CHD9: variants seen among roughly 807,000 people sequenced by gnomAD.
CHD9 encodes the protein chromodomain helicase DNA binding protein 9.
A neutral mutation model predicts 316.1 loss-of-function variants in CHD9; 77 were observed. The ratio of observed to expected loss-of-function variants is 0.24; its 90% confidence interval spans 0.20 to 0.29. The LOEUF (loss-of-function observed/expected upper bound fraction) is 0.29. Among genes scored for constraint, CHD9 ranks in the 10% least tolerant of loss-of-function variants. The probability of loss-of-function intolerance (pLI) is 1.00; values close to 1 mark genes in which losing one functional copy is unlikely to be tolerated. For missense variants in CHD9, 2,763 were observed against 3,438.1 expected (o/e 0.80, Z 4.91); for synonymous variants, 1,129 against 1,158.3 (o/e 0.97, Z 0.51).
rs554233609 is a variant in CHD9, at chr16:53,105,784, CT to C, written c.-164-50141del. 2.6e-5 allele frequency among the ~76,000 whole-genome samples: 4 copies of C among 151,028 alleles called. No homozygotes were observed. In the South Asian group the frequency reaches 8.3e-4, roughly 31 times the overall value. On this transcript the variant is annotated intron_variant, in intron 1 of 38. Transcript: ENST00000447540. ...CCATGCTGTGGGTCTTGAATTTTCA[CT>C]GGTGATAACTGTCTCTGGTCACAAC...
chr16:53,188,753 C>T (rs1010186794), intron 2 of CHD9, among the ~76,000 whole-genome samples: 1 of 151,442 alleles, frequency 6.6e-6, no homozygotes, highest in Non-Finnish European at 1.5e-5. Flanking sequence ...TGCCACCACG[C>T]CTGGCTAATT....
intron 13 of CHD9, among the ~76,000 whole-genome samples, chr16:53,243,724 C>T (rs1439235266): frequency 6.6e-6 from 1 of 152,184 alleles, no homozygotes; most frequent in Non-Finnish European, 1.5e-5. Context: ...CTACACACTT[C>T]TACATGTTTA....
chr16:53,295,350 T>C (rs141492997), intron 29 of CHD9, among the ~76,000 whole-genome samples: 1,846 of 152,262 alleles, frequency 0.012, 41 homozygotes, highest in African/African-American at 0.043. Context: ...TTGTCTTGAA[T>C]TCCTGACCTC....
At chr16:53,321,462 TA>T in intron 37 of CHD9, 63 bp from the exon 38 acceptor site, 1 of 1,459,692 alleles carries the variant, frequency 6.9e-7, no homozygotes, top group Non-Finnish European at 9.1e-7. Flanking sequence ...GAGCATACAA[TA>T]AAAGCAATCA....
At chr16:53,058,224 G>A (rs1186394281) in intron 1 of CHD9, among the ~76,000 whole-genome samples, 1 of 152,056 alleles carries the variant, frequency 6.6e-6, no homozygotes, top group Non-Finnish European at 1.5e-5. Context: ...GAGTTCAAGC[G>A]ATTCTCCTGC....
chr16:53,111,773 G>C (rs1469690949), intron 1 of CHD9, among the ~76,000 whole-genome samples: 1 of 152,088 alleles, frequency 6.6e-6, no homozygotes, highest in African/African-American at 2.4e-5. Context: ...CGTTCATATG[G>C]TTTGATACCA....
rs999891694 is a variant in CHD9, at chr16:53,156,423, A to G, written c.334A>G (p.Asn112Asp). Residue 112 changes from asparagine (N) to aspartate (D), a missense_variant, in exon 2 of 39, where the codon AAT (asparagine) becomes GAT (aspartate). By Grantham distance (23) the Asn-to-Asp change is conservative. This residue lies in a region of CHD9 where 859 missense variants were observed against 890.4 expected (regional missense o/e 0.96). Coordinates refer to ENST00000447540, the MANE Select transcript of CHD9 (RefSeq NM_001308319.2). Reference sequence around the variant, plus strand: ...TCCAATCCATCCCCAAAACCAACCCAATGGTTTGTTTCCAGATGTATCAGA... The same window carrying G: ...TCCAATCCATCCCCAAAACCAACCCGATGGTTTGTTTCCAGATGTATCAGA... Reference protein sequence around the residue: ...CSPIHPQNQPNGLFPDVSDGS... With the variant: ...CSPIHPQNQPDGLFPDVSDGS... 2 of 1,614,002 alleles carry G rather than the reference A, an allele frequency of 1.2e-6. No homozygotes were observed. Among genetic ancestry groups the G allele is most frequent in the Admixed American group, 1.7e-5 (1 of 60,020 alleles).
At chr16:53,295,510 C>T (rs1394975818) in intron 29 of CHD9, among the ~76,000 whole-genome samples, 1 of 152,128 alleles carries the variant, frequency 6.6e-6, no homozygotes, top group Non-Finnish European at 1.5e-5. Context: ...GTAAACTACT[C>T]GTTTGTCACA....
At chr16:53,204,367 G>A (rs558249949) in intron 2 of CHD9, among the ~76,000 whole-genome samples, 7 of 152,148 alleles carry the variant, frequency 4.6e-5, no homozygotes, top group Non-Finnish European at 1.0e-4. Flanking sequence ...TTCACCAGAG[G>A]AGAAAGGACC....
intron 2 of CHD9, among the ~76,000 whole-genome samples, chr16:53,183,754 AAATAC>A (rs147690581): frequency 9.3e-5 from 14 of 151,150 alleles, no homozygotes; most frequent in African/African-American, 2.7e-4. Flanking sequence ...TCTGTACAAA[AAATAC>A]AATACAATAC....
At position 53,318,358 on chromosome 16, in the gene CHD9, T is replaced by C. The variant is rs769641243; in HGVS notation, c.7713+18T>C. The C allele has an allele frequency of 1.4e-5, 22 of 1,576,818 alleles. No individual in the cohort carries two copies. The African/African-American group carries it at 2.7e-4, about 20-fold the overall frequency. On this transcript the variant is annotated intron_variant, in intron 37 of 38. Transcript: ENST00000447540. ...CTAGAAAGGTATTTTAATGTTTTTTTCTTAATCTTTTGTATTGATTCAATA... is the reference window on the plus strand; with the variant it reads ...CTAGAAAGGTATTTTAATGTTTTTTCCTTAATCTTTTGTATTGATTCAATA...
rs1476555596 is a variant in CHD9, at chr16:53,081,873, A to AATG, written c.-165+26797_-165+26798insTGA. On this transcript the variant is annotated intron_variant, in intron 1 of 38. Coordinates refer to ENST00000447540, the MANE Select transcript of CHD9 (RefSeq NM_001308319.2). ...TGAATGAATGAATGAATGAATGAAT[A>AATG]AACCAATAACCTTGGATACTTTTCC... Among the ~76,000 whole-genome samples the AATG allele has an allele frequency of 9.5e-3, 927 of 97,750 alleles. 9 individuals are homozygous for AATG. Among genetic ancestry groups the AATG allele is most frequent in the East Asian group, 0.023 (57 of 2,464 alleles). The allele number at this position is 97,750 out of a possible 152,430, so 64.1% of individuals were successfully genotyped here.
intron 1 of CHD9, among the ~76,000 whole-genome samples, chr16:53,077,428 A>G (rs2034633088): frequency 6.6e-6 from 1 of 151,636 alleles, no homozygotes; most frequent in African/African-American, 2.4e-5. Context: ...GGTTCATGCC[A>G]TTCTCCCACC....
chr16:53,076,511 G>A (rs759646769), intron 1 of CHD9, among the ~76,000 whole-genome samples: 1 of 151,994 alleles, frequency 6.6e-6, no homozygotes, highest in Admixed American at 6.6e-5. Context: ...GGAGGCAGAG[G>A]TTGCAATGAG....
chr16:53,219,028 C>T (rs976505559), intron 3 of CHD9, among the ~76,000 whole-genome samples: 1 of 152,064 alleles, frequency 6.6e-6, no homozygotes, highest in African/African-American at 2.4e-5. Flanking sequence ...GGAGGCGGTT[C>T]GTACTGGGAG....
chr16:53,314,308 A>G, intron 34 of CHD9, 69 bp from the exon 35 acceptor site: 1 of 1,117,858 alleles, frequency 8.9e-7, no homozygotes, highest in Middle Eastern at 2.2e-4. Context: ...TATATTTAGG[A>G]AAGGGATTAC....
chr16:53,271,053 A>G (rs183705205), intron 22 of CHD9, among the ~76,000 whole-genome samples: 10 of 151,964 alleles, frequency 6.6e-5, no homozygotes, highest in African/African-American at 1.4e-4. Context: ...TGGTTGTTCT[A>G]TTACTCAAGG....
intron 19 of CHD9, among the ~76,000 whole-genome samples, chr16:53,261,342 A>AT (rs559657609): frequency 6.6e-4 from 75 of 113,350 alleles, no homozygotes; most frequent in Non-Finnish European, 1.3e-3. Context: ...TAGCCTTTTA[A>AT]TTTTTGGTGT....
At chr16:53,269,339 G>A (rs752594892) in intron 22 of CHD9, among the ~76,000 whole-genome samples, 1 of 152,056 alleles carries the variant, frequency 6.6e-6, no homozygotes, top group Non-Finnish European at 1.5e-5. Context: ...AAAAATATCT[G>A]TTGAATGGCT....
Sources: gnomAD v4.1 joint callset for allele counts (sites outside exome capture counted in the v4.1 genomes callset) on GRCh38, gnomAD v4.1.1 for gene constraint, gnomAD v4.1.1 regional missense constraint, MANE v1.5 for transcripts, NCBI Gene and HGNC (gene_info 2026-07-23, HGNC 2026-07-21) for gene names.